The following ZNF789 variants were observed in gnomAD, a reference collection of about 807,000 sequenced individuals.
ZNF789 encodes zinc finger protein 789.
ZNF789 carries 11 observed loss-of-function variants against 15.6 expected under a neutral mutation model. The observed-to-expected ratio is 0.70, with a 90% CI of 0.44 to 1.16. The LOEUF (loss-of-function observed/expected upper bound fraction) is 1.16, where lower values mean the gene tolerates loss of function less well. Among genes scored for constraint, ZNF789 ranks in the 50% most tolerant of loss-of-function variants. The pLI is 0.00. For missense variants in ZNF789, 461 were observed against 512.6 expected, an observed-to-expected ratio of 0.90 and a Z score of 0.97; for synonymous variants, 159 against 176.0, an observed-to-expected ratio of 0.90 and a Z score of 0.76.
chr7:99,474,256 C>A (rs1799178652), intron 1 of ZNF789, among the ~76,000 whole-genome samples: 1 of 152,156 alleles, frequency 6.6e-6, no homozygotes, highest in Admixed American at 6.5e-5. Flanking sequence ...CTAAAAATAG[C>A]TCATGAGCTA....
In ZNF789 at chr7:99,483,233, AAAAT is replaced by A. The variant is rs369687020; in HGVS notation, c.152-781_152-778del. Among the ~76,000 whole-genome samples, 44 of 152,270 alleles carry A rather than the reference AAAAT, an allele frequency of 2.9e-4. 1 individual carries two copies. In the South Asian group the frequency reaches 8.9e-3, roughly 31 times the overall value. Reference sequence around the variant, plus strand: ...ATGACAGGAGTGAAACTCCGTCTCAAAAATAAATAAATAAATAAAAATAAAAATA... The same window carrying A: ...ATGACAGGAGTGAAACTCCGTCTCAAAAATAAATAAATAAAAATAAAAATA... On this transcript the variant is annotated intron_variant, in intron 3 of 4. Coordinates refer to ENST00000331410, the MANE Select transcript of ZNF789 (RefSeq NM_213603.3).
At chr7:99,474,495 G>T (rs1261960748) in intron 1 of ZNF789, among the ~76,000 whole-genome samples, 1 of 152,030 alleles carries the variant, frequency 6.6e-6, no homozygotes, top group Non-Finnish European at 1.5e-5. Flanking sequence ...TCGGGAAGCT[G>T]AGGCAGGAGA....
intron 3 of ZNF789, chr7:99,481,057 C>T (rs1360499010): frequency 6.6e-6 from 1 of 152,220 alleles, no homozygotes. Flanking sequence ...TCCTGCCAGT[C>T]TTTTTTTCCT....
At chr7:99,483,759 G>T (rs1799767642) in intron 3 of ZNF789, 1 of 780,926 alleles carries the variant, frequency 1.3e-6, no homozygotes. Flanking sequence ...GTTTGATGCT[G>T]CAATACCACT....
chr7:99,478,339 G>C (rs994025409), intron 2 of ZNF789: 1 of 1,289,588 alleles, frequency 7.8e-7, no homozygotes, highest in African/African-American at 1.5e-5. Flanking sequence ...TGGTAAAAGA[G>C]TGACACTCTG....
In ZNF789 at chr7:99,482,597, T is replaced by A. The variant is rs534173904; in HGVS notation, c.152-1433T>A. On this transcript the variant is annotated intron_variant, in intron 3 of 4. Coordinates refer to ENST00000331410, the MANE Select transcript of ZNF789 (RefSeq NM_213603.3). ...CAGGCATGGTGGCTCATGCCTGTAA[T>A]CCCAGCACTTTGGGAGGGAGGTCAA... Among the ~76,000 whole-genome samples, 4 of 152,312 alleles carry A rather than the reference T, an allele frequency of 2.6e-5. No individual in the cohort carries two copies. In the East Asian group the frequency reaches 7.7e-4, roughly 29 times the overall value.
chr7:99,481,020 G>A (rs1451452216), intron 3 of ZNF789: 11 of 152,194 alleles, frequency 7.2e-5, no homozygotes. Flanking sequence ...GTGTTCATGG[G>A]TAACACTGTT....
rs1799535786 is a variant in ZNF789 at position 99,479,981 on chromosome 7, T to C, written c.151+194T>C. On this transcript the variant is annotated intron_variant, in intron 3 of 4. Coordinates refer to ENST00000331410, the MANE Select transcript of ZNF789 (RefSeq NM_213603.3). The stretch of plus-strand genomic sequence containing the variant: ...ACTTCATCCTATAGGAAACCATTTA[T>C]TGTCTTTATTTTTCCAACTTGGTGT... 4 of 676,840 alleles carry C rather than the reference T, an allele frequency of 5.9e-6. No homozygotes were observed. In the South Asian group the frequency reaches 1.2e-4, roughly 20 times the overall value. 41.9% of individuals were successfully genotyped at this position (676,840 alleles called of 1,614,324 possible).
At chr7:99,476,207 T>TG (rs1215993241) in intron 1 of ZNF789, 196 bp from the exon 2 acceptor site, 3 of 505,582 alleles carry the variant, frequency 5.9e-6, no homozygotes, top group Non-Finnish European at 1.0e-5. Flanking sequence ...CAGGTTCTCT[T>TG]GGATGGAGCT....
rs973819320 is a variant in ZNF789 at position 99,486,735 on chromosome 7, T to C, written c.525T>C (p.Tyr175=). ...NAQTRWKQGR[Y]DEDGKPFNQR... The stretch of plus-strand genomic sequence containing the variant: ...AAACAAGGTGGAAGCAGGGCAGATA[T>C]GATGAGGATGGCAAACCCTTCAATC... The change falls in exon 5 of 5, where the codon TAT becomes TAC. Residue 175 remains tyrosine, a synonymous_variant. Coordinates refer to ENST00000331410, the MANE Select transcript of ZNF789 (RefSeq NM_213603.3). The C allele has an allele frequency of 5.6e-6, 9 of 1,614,198 alleles. No homozygotes were observed. In the Admixed American group the frequency reaches 1.0e-4, roughly 18 times the overall value.
rs753726095 is a variant in ZNF789 at position 99,485,221 on chromosome 7, T to TC, written c.265+1079dup. ...GTCCCGATGCAGCTGCTCCTGTTTTTCACATCCAAGGTTTCTCCTCCATGG... is the reference window on the plus strand; with the variant it reads ...GTCCCGATGCAGCTGCTCCTGTTTTTCCACATCCAAGGTTTCTCCTCCATGG... On this transcript the variant is annotated intron_variant, in intron 4 of 4. Transcript: ENST00000331410. 2.0e-6 allele frequency: 3 copies of TC among 1,536,068 alleles called. No homozygotes were observed. In the South Asian group the frequency reaches 3.6e-5, roughly 18 times the overall value.
intron 2 of ZNF789, among the ~76,000 whole-genome samples, chr7:99,477,103 C>T (rs1012253105): frequency 6.6e-5 from 10 of 150,874 alleles, no homozygotes; most frequent in Non-Finnish European, 8.8e-5. Flanking sequence ...AGTGTAGTGG[C>T]GCGATCTCAG....
chr7:99,478,623 T>C (rs1799457140), intron 2 of ZNF789: 2 of 347,922 alleles, frequency 5.7e-6, no homozygotes, highest in Admixed American at 7.5e-5. Flanking sequence ...CTGGGCCCCT[T>C]TGCCCAGAGG....
chr7:99,486,815 A>C lies in ZNF789; in HGVS notation c.605A>C (p.Glu202Ala). ...ATTCTCACAAGAGCAAAGTCTTATGAATGCAGTGAATGTGGAAAAGTCATT... is the reference window on the plus strand; with the variant it reads ...ATTCTCACAAGAGCAAAGTCTTATGCATGCAGTGAATGTGGAAAAGTCATT... ...ERILTRAKSY[E>A]CSECGKVIRR... Residue 202 changes from glutamate (E) to alanine (A), a missense_variant, in exon 5 of 5, where the codon GAA becomes GCA. Coordinates refer to ENST00000331410, the MANE Select transcript of ZNF789 (RefSeq NM_213603.3). 6.2e-7 allele frequency: 1 copy of C among 1,614,234 alleles called. No individual in the cohort carries two copies. Among genetic ancestry groups the C allele is most frequent in the Non-Finnish European group, 8.5e-7 (1 of 1,180,042 alleles).
At chr7:99,482,629 C>T (rs567724600) in intron 3 of ZNF789, among the ~76,000 whole-genome samples, 18 of 150,558 alleles carry the variant, frequency 1.2e-4, no homozygotes, top group Admixed American at 4.0e-4. Flanking sequence ...TCAAGGTGGG[C>T]GGATCACCTG....
chr7:99,486,967 CA>C lies in ZNF789; in HGVS notation c.761del (p.Asn254ThrfsTer52). On this transcript the variant is annotated frameshift_variant, in exon 5 of 5. Coordinates refer to ENST00000331410, the MANE Select transcript of ZNF789 (RefSeq NM_213603.3). LOFTEE classifies it low-confidence loss of function (END_TRUNC). ...ALTVHKQCHL[Q>X]NKPYRCHDCG... ...TACGGTCCATAAACAGTGTCACCTGCAAAACAAGCCATACAGATGTCATGAC... is the reference window on the plus strand; with the variant it reads ...TACGGTCCATAAACAGTGTCACCTGCAAACAAGCCATACAGATGTCATGAC... The C allele has an allele frequency of 6.2e-7, 1 of 1,614,142 alleles. No homozygotes were observed. Among genetic ancestry groups the C allele is most frequent in the Non-Finnish European group, 8.5e-7 (1 of 1,180,030 alleles).
At chr7:99,477,369 TCA>T (rs1799392052) in intron 2 of ZNF789, among the ~76,000 whole-genome samples, 1 of 151,856 alleles carries the variant, frequency 6.6e-6, no homozygotes, top group African/African-American at 2.4e-5. Flanking sequence ...AGACGGAGTC[TCA>T]CACTGTTGCC....
At chr7:99,476,332 C>A in intron 1 of ZNF789, 71 bp from the exon 2 acceptor site, 1 of 1,071,210 alleles carries the variant, frequency 9.3e-7, no homozygotes, top group Non-Finnish European at 1.3e-6. Flanking sequence ...GTTGGAATTC[C>A]GGGTCCCAGA....
intron 4 of ZNF789, among the ~76,000 whole-genome samples, chr7:99,484,995 T>C (rs1364616714): frequency 6.6e-6 from 1 of 152,082 alleles, no homozygotes; most frequent in Non-Finnish European, 1.5e-5. Context: ...GCTTATCCTC[T>C]CTCTCCTGCA....
Sources: allele counts gnomAD v4.1 joint callset (sites outside exome capture counted in the v4.1 genomes callset), GRCh38; gene constraint gnomAD v4.1.1; transcripts MANE v1.5; gene names NCBI Gene and HGNC (gene_info 2026-07-23, HGNC 2026-07-21).